PJA2: variants seen among roughly 807,000 people sequenced by gnomAD.
PJA2 encodes E3 ubiquitin-protein ligase Praja-2.
In PJA2, 25 loss-of-function variants were observed where a neutral mutation model predicts 69.3. The ratio of observed to expected loss-of-function variants is 0.36; its 90% CI spans 0.26 to 0.50. PJA2 has a LOEUF of 0.50. PJA2 is among the 20% of genes least tolerant of loss of function. The probability of loss-of-function intolerance (pLI) is 0.96; values close to 1 mark genes in which losing one functional copy is unlikely to be tolerated. For synonymous variants in PJA2, 308 were observed against 277.8 expected (o/e 1.11, Z -1.08); for missense variants, 809 against 830.2 (o/e 0.97, Z 0.31).
intron 1 of PJA2, among the ~76,000 whole-genome samples, chr5:109,400,031 T>C (rs1747504476): frequency 6.6e-6 from 1 of 152,172 alleles, no homozygotes; most frequent in African/African-American, 2.4e-5. Context: ...GGCTCACACC[T>C]GTAATCCCAG....
At chr5:109,401,493 C>T (rs999408682) in intron 1 of PJA2, among the ~76,000 whole-genome samples, 4 of 151,984 alleles carry the variant, frequency 2.6e-5, no homozygotes, top group African/African-American at 7.2e-5. Context: ...AATTTAAAAA[C>T]CACTGATAAA....
chr5:109,355,797 T>G, intron 7 of PJA2, 118 bp downstream of exon 7: 1 of 644,568 alleles, frequency 1.6e-6, no homozygotes, highest in South Asian at 2.5e-5. Flanking sequence ...CAATAACTGT[T>G]ACTAAACTGA....
intron 1 of PJA2, among the ~76,000 whole-genome samples, chr5:109,386,369 T>C (rs552465233): frequency 1.3e-5 from 2 of 152,238 alleles, no homozygotes; most frequent in South Asian, 4.2e-4. Flanking sequence ...GCACCTTTGG[T>C]AGCATGGTTG....
chr5:109,368,367 C>T (rs1042836784), intron 5 of PJA2, among the ~76,000 whole-genome samples, 194 bp downstream of exon 5: 8 of 152,100 alleles, frequency 5.3e-5, no homozygotes, highest in East Asian at 1.9e-4. Context: ...TCTCCATAAA[C>T]GATACTGAAA....
intron 1 of PJA2, among the ~76,000 whole-genome samples, chr5:109,396,707 G>A (rs1425837061): frequency 7.4e-6 from 1 of 134,528 alleles, no homozygotes; most frequent in African/African-American, 2.7e-5. Context: ...TTACGGGGAT[G>A]AGCACCGCAC....
intron 1 of PJA2, among the ~76,000 whole-genome samples, chr5:109,389,795 T>C (rs1042338039): frequency 1.3e-5 from 2 of 151,990 alleles, no homozygotes; most frequent in African/African-American, 4.8e-5. Flanking sequence ...ATACGTATTA[T>C]TTTTATTATT....
intron 7 of PJA2, among the ~76,000 whole-genome samples, chr5:109,354,457 TATG>T (rs539551553): frequency 5.6e-5 from 7 of 124,104 alleles, no homozygotes; most frequent in Non-Finnish European, 1.2e-4. Flanking sequence ...ATTAGATATC[TATG>T]ATATCTAGAG....
intron 5 of PJA2, among the ~76,000 whole-genome samples, chr5:109,367,497 CAA>C (rs1393892796): frequency 1.3e-5 from 2 of 151,746 alleles, no homozygotes; most frequent in East Asian, 3.9e-4. Flanking sequence ...TACAATAAAA[CAA>C]GAGGCCTAGA....
intron 1 of PJA2, chr5:109,408,976 CAAAAG>C (rs1482243340): frequency 6.6e-6 from 1 of 151,918 alleles, no homozygotes; most frequent in Non-Finnish European, 1.5e-5. Context: ...CCAGCAGACT[CAAAAG>C]AAGCGCCTAT....
At chr5:109,369,394 T>G (rs188050356) in intron 4 of PJA2, among the ~76,000 whole-genome samples, 4,641 of 152,306 alleles carry the variant, frequency 0.03, 93 homozygotes, top group Middle Eastern at 0.048. Flanking sequence ...ACTTTACTTT[T>G]TCTTACACTA....
At chr5:109,367,007 C>T (rs1762594067) in intron 5 of PJA2, among the ~76,000 whole-genome samples, 1 of 151,830 alleles carries the variant, frequency 6.6e-6, no homozygotes, top group Admixed American at 6.6e-5. Context: ...TGGTGGGTAC[C>T]TGTACTCCCC....
intron 2 of PJA2, among the ~76,000 whole-genome samples, chr5:109,382,176 A>T (rs957308773): frequency 6.6e-6 from 1 of 152,218 alleles, no homozygotes; most frequent in East Asian, 1.9e-4. Flanking sequence ...GATAACAAGT[A>T]ACCTCTTTAA....
chr5:109,351,309 A>G (rs1297137965), intron 7 of PJA2, among the ~76,000 whole-genome samples: 1 of 152,130 alleles, frequency 6.6e-6, no homozygotes, highest in Non-Finnish European at 1.5e-5. Flanking sequence ...TTATGCTGAA[A>G]TATGTCTCAT....
In PJA2 at chr5:109,378,371, G is replaced by A; in HGVS notation, c.1116C>T (p.Asp372=). ...IKCEEYDGEH[D]CMFLDPPYSR... ...AGTATGGTGGATCCAAGAACATACAGTCATGCTCTCCATCATATTCTTCAC... is the reference window on the plus strand; with the variant it reads ...AGTATGGTGGATCCAAGAACATACAATCATGCTCTCCATCATATTCTTCAC... Residue 372 remains aspartate (D), a synonymous_variant, in exon 4 of 10, where the codon GAC becomes GAT. Coordinates refer to ENST00000361189, the MANE Select transcript of PJA2 (RefSeq NM_014819.5). The A allele has an allele frequency of 6.2e-7, 1 of 1,614,142 alleles. No homozygotes were observed. Among genetic ancestry groups the A allele is most frequent in the Non-Finnish European group, 8.5e-7 (1 of 1,180,014 alleles).
At chr5:109,373,751 T>C (rs1357025418) in intron 4 of PJA2, among the ~76,000 whole-genome samples, 1 of 152,120 alleles carries the variant, frequency 6.6e-6, no homozygotes, top group Non-Finnish European at 1.5e-5. Context: ...CACCTAAGAG[T>C]TGTATTTAAA....
chr5:109,406,104 CA>C lies in PJA2; in HGVS notation c.-88+3737del, dbSNP rs1428183625. Among the ~76,000 whole-genome samples, 4 of 144,744 alleles carry C rather than the reference CA, an allele frequency of 2.8e-5. No homozygotes were observed. In the East Asian group the frequency reaches 8.1e-4, roughly 29 times the overall value. 95.0% of individuals were successfully genotyped at this position (144,744 alleles called of 152,430 possible). ...TGTCGCCCAGGCTGGAGTGCAGTGG[CA>C]CGATCTTGGCTCACTGCGAGCTCCA... On this transcript the variant is annotated intron_variant, in intron 1 of 9. Transcript: ENST00000361189.
At position 109,372,905 on chromosome 5, in the gene PJA2, CAAAAAAA is replaced by C. The variant is rs528408590; in HGVS notation, c.1284-4166_1284-4160del. Among the ~76,000 whole-genome samples, 18 of 35,706 alleles carry C rather than the reference CAAAAAAA, an allele frequency of 5.0e-4. 2 individuals are homozygous for C. The highest frequency in any genetic ancestry group is 4.2e-3 in the South Asian group (1 of 240). 23.4% of individuals were successfully genotyped at this position (35,706 alleles called of 152,430 possible). ...TGGCAACTAGAGCAACACTCCGTCT[CAAAAAAA>C]AAAAAAAAAAAAAAGAAAGAAAGAA... is the stretch of plus-strand genomic sequence containing the variant. On this transcript the variant is annotated intron_variant, in intron 4 of 9. Coordinates refer to ENST00000361189, the MANE Select transcript of PJA2 (RefSeq NM_014819.5).
At chr5:109,385,592 A>G (rs1375448554) in intron 1 of PJA2, among the ~76,000 whole-genome samples, 1 of 152,204 alleles carries the variant, frequency 6.6e-6, no homozygotes, top group Non-Finnish European at 1.5e-5. Context: ...TGTTGACTGA[A>G]GAATTATGAG....
At chr5:109,408,586 C>T (rs1281614819) in intron 1 of PJA2, among the ~76,000 whole-genome samples, 1 of 151,620 alleles carries the variant, frequency 6.6e-6, no homozygotes, top group Non-Finnish European at 1.5e-5. Context: ...AGTGCATTTG[C>T]AAGATTTTGA....
Sources: gnomAD v4.1 joint callset for allele counts (sites outside exome capture counted in the v4.1 genomes callset) on GRCh38, gnomAD v4.1.1 for gene constraint, MANE v1.5 for transcripts, NCBI Gene and HGNC (gene_info 2026-07-23, HGNC 2026-07-21) for gene names.